POLR1A: variants seen among roughly 807,000 people sequenced by gnomAD.
POLR1A encodes RNA polymerase I subunit A, also known as DNA-directed RNA polymerase I subunit RPA1.
A neutral mutation model predicts 205.3 loss-of-function variants in POLR1A; 84 were observed. The ratio of observed to expected loss-of-function variants is 0.41; its 90% CI spans 0.34 to 0.49. The LOEUF is 0.49. POLR1A is among the 20% of genes least tolerant of loss of function. The pLI, the probability that POLR1A is intolerant of heterozygous loss-of-function variation, is 0.22. For missense variants in POLR1A, 1,645 were observed against 2,204.5 expected (o/e 0.75, Z 5.08); for synonymous variants, 799 against 863.7 (o/e 0.93, Z 1.31).
intron 28 of POLR1A, 44 bp from the exon 29 acceptor site, chr2:86,032,426 T>C (rs1238513609): frequency 7.5e-7 from 1 of 1,327,490 alleles, no homozygotes; most frequent in Non-Finnish European, 1.1e-6. Context: ...CTCCAATATC[T>C]AGTGCTCAGT....
chr2:86,059,581 T>C (rs922855956), intron 14 of POLR1A, among the ~76,000 whole-genome samples: 1 of 152,222 alleles, frequency 6.6e-6, no homozygotes, highest in Non-Finnish European at 1.5e-5. Context: ...TTTTATTTTT[T>C]TTGAAACAGA....
At chr2:86,042,694 G>A (rs762397172) in intron 23 of POLR1A, among the ~76,000 whole-genome samples, 41 of 152,170 alleles carry the variant, frequency 2.7e-4, no homozygotes, top group Non-Finnish European at 5.1e-4. Flanking sequence ...GCACATAGTC[G>A]TCCTCTCCGT....
At chr2:86,086,449 C>T (rs1440028178) in intron 6 of POLR1A, among the ~76,000 whole-genome samples, 1 of 152,218 alleles carries the variant, frequency 6.6e-6, no homozygotes, top group Non-Finnish European at 1.5e-5. Context: ...TGAGGCTGCT[C>T]ACTTTCCTCC....
chr2:86,083,425 C>G (rs772083689), intron 6 of POLR1A, among the ~76,000 whole-genome samples: 1 of 151,114 alleles, frequency 6.6e-6, no homozygotes, highest in Non-Finnish European at 1.5e-5. Context: ...AATCCCATCA[C>G]ATTAACAACT....
chr2:86,094,656 T>A (rs549337620), intron 3 of POLR1A, among the ~76,000 whole-genome samples: 1 of 152,368 alleles, frequency 6.6e-6, no homozygotes, highest in South Asian at 2.1e-4. Context: ...GAACTTTTAA[T>A]TCCATTTTAA....
At chr2:86,033,595 C>T in intron 28 of POLR1A, 66 bp downstream of exon 28, 1 of 1,564,494 alleles carries the variant, frequency 6.4e-7, no homozygotes, top group Admixed American at 1.8e-5. Flanking sequence ...AGAGAATAGG[C>T]ACAGAGCCTG....
chr2:86,103,747 G>A (rs977023257), intron 1 of POLR1A, among the ~76,000 whole-genome samples: 3 of 152,210 alleles, frequency 2.0e-5, no homozygotes, highest in African/African-American at 4.8e-5. Flanking sequence ...GGATAGTGGA[G>A]GAAGACAAAT....
At position 86,065,585 on chromosome 2, in the gene POLR1A, G is replaced by T. The variant is rs1469103125; in HGVS notation, c.1867-120C>A. ...AGAGCCCTTCTTATATCCCTGTCTT[G>T]TCTTGCCCACATCCTCACTATGTTC... On this transcript the variant is annotated intron_variant, in intron 13 of 33. Coordinates refer to ENST00000263857, the MANE Select transcript of POLR1A (RefSeq NM_015425.6). 32 of 787,188 alleles carry T rather than the reference G, an allele frequency of 4.1e-5. No individual in the cohort carries two copies. The South Asian group carries it at 5.5e-4, about 14-fold the overall frequency. The allele number at this position is 787,188 out of a possible 1,614,324, so 48.8% of individuals were successfully genotyped here.
chr2:86,052,894 T>TCG lies in POLR1A; in HGVS notation c.2313_2314dup (p.Glu772AlafsTer8). The stretch of plus-strand genomic sequence containing the variant: ...GCAGGTTAGAACCTTGCCGCTGGTC[T>TCG]CGCCTCCATAGATCTCATAGCAGCA... On this transcript the variant is annotated frameshift_variant, in exon 16 of 34. Transcript: ENST00000263857. LOFTEE classifies it high-confidence loss of function. 1 of 1,608,254 alleles carries TCG rather than the reference T, an allele frequency of 6.2e-7. No individual in the cohort carries two copies. Among genetic ancestry groups the TCG allele is most frequent in the Non-Finnish European group, 8.5e-7 (1 of 1,177,248 alleles).
At chr2:86,094,526 C>T (rs142070863) in intron 3 of POLR1A, among the ~76,000 whole-genome samples, 5 of 152,112 alleles carry the variant, frequency 3.3e-5, no homozygotes, top group Non-Finnish European at 7.4e-5. Context: ...CTCCAAGAAG[C>T]TTTTTTAGTG....
rs768953092 is a variant in POLR1A at position 86,048,932 on chromosome 2, A to C, written c.2586T>G (p.Asp862Glu). ...GGTTCACTTCCTCCTTGAACTTCAG[A>C]TCAATCATGTTAAAATCCCTCTGGT... Reference protein sequence around the residue: ...GKDQRDFNMIDLKFKEEVNHY... With the variant: ...GKDQRDFNMIELKFKEEVNHY... The change falls in exon 18 of 34, where the codon GAT (aspartate) becomes GAG (glutamate). Residue 862 changes from aspartate to glutamate, a missense_variant. Coordinates refer to ENST00000263857, the MANE Select transcript of POLR1A (RefSeq NM_015425.6). 6.2e-7 allele frequency: 1 copy of C among 1,614,172 alleles called. No individual in the cohort carries two copies. The highest frequency in any genetic ancestry group is 1.1e-5 in the South Asian group (1 of 91,090).
rs1690112940 is a variant in POLR1A at position 86,020,626 on chromosome 2, A to G, written c.*6797T>C. ...AAAATGTAAATGATTCCACTTTGTAAAATAAACAATGTTAACCCGCATCTA... is the reference window on the plus strand; with the variant it reads ...AAAATGTAAATGATTCCACTTTGTAGAATAAACAATGTTAACCCGCATCTA... On this transcript the variant is annotated 3_prime_UTR_variant, in exon 34 of 34. Transcript: ENST00000263857. The G allele has an allele frequency of 6.6e-6, 1 of 152,012 alleles. No individual in the cohort carries two copies. Among genetic ancestry groups the G allele is most frequent in the African/African-American group, 2.4e-5 (1 of 41,308 alleles). 9.4% of individuals were successfully genotyped at this position (152,012 alleles called of 1,614,324 possible). A position where few individuals can be genotyped will look rare whatever the true frequency, so the allele number is the denominator to read the frequency against.
intron 6 of POLR1A, among the ~76,000 whole-genome samples, chr2:86,087,597 C>T (rs1048103836): frequency 1.3e-5 from 2 of 152,210 alleles, no homozygotes; most frequent in African/African-American, 2.4e-5. Flanking sequence ...GACTGGAGTG[C>T]GGTGGCACGA....
At chr2:86,087,816 T>C (rs1018419454) in intron 6 of POLR1A, among the ~76,000 whole-genome samples, 10 of 152,172 alleles carry the variant, frequency 6.6e-5, no homozygotes, top group Non-Finnish European at 7.3e-5. Flanking sequence ...GTACTGGGAT[T>C]ACAGGTGTGA....
chr2:86,048,696 C>G (rs1173715639), intron 18 of POLR1A, among the ~76,000 whole-genome samples, 188 bp downstream of exon 18: 4 of 152,268 alleles, frequency 2.6e-5, no homozygotes, highest in African/African-American at 9.6e-5. Flanking sequence ...TAGACCCTAA[C>G]TGGGGCAGGG....
At chr2:86,046,783 T>G (rs183117043) in intron 19 of POLR1A, among the ~76,000 whole-genome samples, 210 of 152,070 alleles carry the variant, frequency 1.4e-3, no homozygotes, top group Non-Finnish European at 2.1e-3. Flanking sequence ...TGAGCCAAGA[T>G]TGCGCCACTG....
At chr2:86,079,230 C>G (rs891042392) in intron 9 of POLR1A, among the ~76,000 whole-genome samples, 12 of 152,222 alleles carry the variant, frequency 7.9e-5, no homozygotes, top group African/African-American at 2.7e-4. Flanking sequence ...ACATAAAACA[C>G]TCAGGGTCCC....
chr2:86,070,011 G>T lies in POLR1A; in HGVS notation c.1866+7C>A. ...TGACCACGGAACAGCCTCAAGGCCA[G>T]ACCTACCTTGGGAACAAGGTACTGC... On this transcript the variant is annotated splice_region_variant and intron_variant, in intron 13 of 33. Coordinates refer to ENST00000263857, the MANE Select transcript of POLR1A (RefSeq NM_015425.6). This position sits in a 1 kb window ranked among gnomAD's most constrained non-coding sequence, Gnocchi z 4.4. The T allele has an allele frequency of 6.2e-7, 1 of 1,611,212 alleles. No homozygotes were observed.
intron 14 of POLR1A, among the ~76,000 whole-genome samples, chr2:86,059,515 GGT>G (rs1672959012): frequency 6.6e-6 from 1 of 152,086 alleles, no homozygotes; most frequent in Admixed American, 6.6e-5. Flanking sequence ...ATTTAATTGT[GGT>G]TCATGGTTCT....
Sources: allele counts gnomAD v4.1 joint callset (sites outside exome capture counted in the v4.1 genomes callset), GRCh38; gene constraint gnomAD v4.1.1; non-coding constraint Gnocchi (gnomAD v3.1); transcripts MANE v1.5; gene names NCBI Gene and HGNC (gene_info 2026-07-23, HGNC 2026-07-21).